Variants in PDE3A observed in about 807,000 individuals in gnomAD.
PDE3A encodes cGMP-inhibited 3',5'-cyclic phosphodiesterase 3A.
Under a neutral mutation model 98.3 loss-of-function variants are expected in PDE3A, and 43 were observed. The observed-to-expected ratio is 0.44, with a 90% CI of 0.34 to 0.56. The LOEUF (loss-of-function observed/expected upper bound fraction) is 0.56, where lower values mean the gene tolerates loss of function less well. PDE3A is among the 20% of genes least tolerant of loss of function. PDE3A has a pLI of 0.01. For missense variants in PDE3A, 1,427 were observed against 1,440.7 expected, an observed-to-expected ratio of 0.99 and a Z score of 0.15; for synonymous variants, 663 against 567.9, an observed-to-expected ratio of 1.17 and a Z score of -2.38.
intron 1 of PDE3A, among the ~76,000 whole-genome samples, chr12:20,497,755 G>A (rs1945946263): frequency 1.3e-5 from 2 of 151,930 alleles, no homozygotes; most frequent in African/African-American, 4.8e-5. Flanking sequence ...ACAAACATTG[G>A]GTATTTCCAA....
At chr12:20,654,457 TAAG>T (rs1474945035) in intron 15 of PDE3A, among the ~76,000 whole-genome samples, 1 of 151,580 alleles carries the variant, frequency 6.6e-6, no homozygotes, top group Admixed American at 6.6e-5. Context: ...AAAATAATAA[TAAG>T]GAGTTGAAGC....
chr12:20,401,687 C>A (rs1397082001), intron 1 of PDE3A, among the ~76,000 whole-genome samples: 3 of 152,148 alleles, frequency 2.0e-5, no homozygotes, highest in Non-Finnish European at 4.4e-5. Flanking sequence ...GAAGCTCTTT[C>A]TCCTTCCTCT....
intron 2 of PDE3A, among the ~76,000 whole-genome samples, chr12:20,593,048 C>A (rs1943376766): frequency 1.3e-5 from 2 of 152,112 alleles, no homozygotes; most frequent in African/African-American, 4.8e-5. Flanking sequence ...ATTAGCAATA[C>A]AACAATATCA....
At chr12:20,433,185 G>A (rs1361832330) in intron 1 of PDE3A, among the ~76,000 whole-genome samples, 3 of 152,060 alleles carry the variant, frequency 2.0e-5, no homozygotes, top group Admixed American at 2.0e-4. Flanking sequence ...AAGGGCAGTG[G>A]GATCACTGTA....
chr12:20,648,796 G>A lies in PDE3A; in HGVS notation c.2674G>A (p.Val892Met). The change falls in exon 13 of 16, where the codon GTG becomes ATG. Residue 892 changes from valine to methionine, a missense_variant. Physicochemically the swap from Val to Met is conservative, Grantham distance 21. Transcript: ENST00000359062. Reference protein sequence around the residue: ...EYNFLINLDHVEFKHFRFLVI... With the variant: ...EYNFLINLDHMEFKHFRFLVI... ...TAACTTCTTAATTAACCTTGACCATGTGGAATTTAAGCATTTCCGTTTCCT... is the reference window on the plus strand; with the variant it reads ...TAACTTCTTAATTAACCTTGACCATATGGAATTTAAGCATTTCCGTTTCCT... The A allele has an allele frequency of 2.5e-6, 4 of 1,613,378 alleles. No individual in the cohort carries two copies. The South Asian group carries it at 3.3e-5, about 13-fold the overall frequency.
At chr12:20,562,096 A>C (rs866817447) in intron 2 of PDE3A, among the ~76,000 whole-genome samples, 1 of 152,216 alleles carries the variant, frequency 6.6e-6, no homozygotes, top group Non-Finnish European at 1.5e-5. Flanking sequence ...CAGTAATACC[A>C]AATGAAGTCA....
intron 10 of PDE3A, among the ~76,000 whole-genome samples, chr12:20,642,656 T>C (rs1288996604): frequency 6.6e-6 from 1 of 152,184 alleles, no homozygotes; most frequent in Non-Finnish European, 1.5e-5. Flanking sequence ...GCCTCAGAAG[T>C]ACCTGTGATC....
intron 1 of PDE3A, among the ~76,000 whole-genome samples, chr12:20,423,566 C>G (rs1273451348): frequency 1.3e-5 from 2 of 152,196 alleles, no homozygotes; most frequent in African/African-American, 4.8e-5. Context: ...CAAAAACAGA[C>G]TTTCAGAATC....
chr12:20,452,551 TA>T (rs1370764617), intron 1 of PDE3A, among the ~76,000 whole-genome samples: 1 of 152,248 alleles, frequency 6.6e-6, no homozygotes, highest in African/African-American at 2.4e-5. Flanking sequence ...AAATGCTAGT[TA>T]CGCAGTTAAT....
chr12:20,630,087 C>A lies in PDE3A; in HGVS notation c.1720C>A (p.Leu574Ile), dbSNP rs201987157. ...AACTTACACTCAGAGTGCCCCAGACCTATCCCCTCAAATCCTGACTCCACC... is the reference window on the plus strand; with the variant it reads ...AACTTACACTCAGAGTGCCCCAGACATATCCCCTCAAATCCTGACTCCACC... ...ALTYTQSAPD[L>I]SPQILTPPVI... Residue 574 changes from leucine (L) to isoleucine (I), a missense_variant, in exon 6 of 16, where the codon CTA becomes ATA. Leu to Ile is a conservative substitution (Grantham distance 5, BLOSUM62 2). Around this residue, in one of 3 missense-constraint regions of PDE3A, gnomAD observed 1,012 missense variants for 886.5 expected, o/e 1.14. Coordinates refer to ENST00000359062, the MANE Select transcript of PDE3A (RefSeq NM_000921.5). 6.2e-7 allele frequency: 1 copy of A among 1,613,674 alleles called. No individual in the cohort carries two copies. The highest frequency in any genetic ancestry group is 8.5e-7 in the Non-Finnish European group (1 of 1,179,666).
In PDE3A at chr12:20,648,937, T is replaced by C. The variant is rs549465034; in HGVS notation, c.2769+46T>C. On this transcript the variant is annotated intron_variant, in intron 13 of 15. Transcript: ENST00000359062. ...TTTTCTTTTCTTTTTCTTTTTTTTTTTTTTTTGAGACAGAGTCTTGCTCTG... is the reference window on the plus strand; with the variant it reads ...TTTTCTTTTCTTTTTCTTTTTTTTTCTTTTTTGAGACAGAGTCTTGCTCTG... 1.4e-5 allele frequency: 18 copies of C among 1,283,812 alleles called. 1 individual carries two copies. The highest frequency in any genetic ancestry group is 1.4e-4 in the South Asian group (10 of 73,964). The allele number at this position is 1,283,812 out of a possible 1,614,324, so 79.5% of individuals were successfully genotyped here.
At chr12:20,498,279 C>G (rs12319897) in intron 1 of PDE3A, among the ~76,000 whole-genome samples, 11 of 152,136 alleles carry the variant, frequency 7.2e-5, no homozygotes, top group South Asian at 2.1e-4. Flanking sequence ...CGCCCACCCC[C>G]CCAACTGAAG....
chr12:20,517,146 A>T lies in PDE3A; in HGVS notation c.961-39514A>T, dbSNP rs987223895. On this transcript the variant is annotated intron_variant, in intron 1 of 15. Transcript: ENST00000359062. ...TCCAATGCGGTTCTAGAAAATGATA[A>T]GTAATTTTGAAAGTTGGTTTATTTC... 3.3e-5 allele frequency among the ~76,000 whole-genome samples: 5 copies of T among 152,346 alleles called. 1 individual carries two copies. In the East Asian group the frequency reaches 7.7e-4, roughly 24 times the overall value.
intron 2 of PDE3A, among the ~76,000 whole-genome samples, chr12:20,608,371 T>C (rs1284404806): frequency 9.7e-6 from 1 of 102,806 alleles, no homozygotes; most frequent in Non-Finnish European, 2.2e-5. Flanking sequence ...GACTTAATGA[T>C]ACTAAGGATA....
In PDE3A at chr12:20,548,044, T is replaced by G. The variant is rs536824757; in HGVS notation, c.961-8616T>G. Among the ~76,000 whole-genome samples the G allele has an allele frequency of 7.9e-5, 12 of 152,228 alleles. No individual in the cohort carries two copies. The East Asian group carries it at 2.3e-3, about 29-fold the overall frequency. ...AGCTGAAGGCTGTGATGTAGAAATT[T>G]ATTATTAAAAATAAAAGACGGAGAG... On this transcript the variant is annotated intron_variant, in intron 1 of 15. Coordinates refer to ENST00000359062, the MANE Select transcript of PDE3A (RefSeq NM_000921.5).
Position 20,637,121 on chromosome 12 carries a change from G to A in PDE3A, c.2023G>A (p.Glu675Lys), listed in dbSNP as rs553709588. Reference sequence around the variant, plus strand: ...ACAGGACAAACCAATTCTTGCTCCCGAACCTCTTGTCATGGATAACCTGGA... The same window carrying A: ...ACAGGACAAACCAATTCTTGCTCCCAAACCTCTTGTCATGGATAACCTGGA... ...MFLDKPILAP[E>K]PLVMDNLDSI... is the part of the protein sequence containing the mutation. Residue 675 changes from glutamate (E) to lysine (K), a missense_variant, in exon 9 of 16, where the codon GAA (glutamate) becomes AAA (lysine). This residue lies in a region of PDE3A where 1,012 missense variants were observed against 886.5 expected (regional missense o/e 1.14). Transcript: ENST00000359062. 6.2e-6 allele frequency: 10 copies of A among 1,607,654 alleles called. No individual in the cohort carries two copies. Among genetic ancestry groups the A allele is most frequent in the Middle Eastern group, 1.7e-4 (1 of 6,042 alleles).
chr12:20,461,236 G>GAAAAA lies in PDE3A; in HGVS notation c.960+91008_960+91012dup, dbSNP rs67508401. 2.0e-3 allele frequency among the ~76,000 whole-genome samples: 193 copies of GAAAAA among 98,222 alleles called. 8 individuals carry two copies. Among genetic ancestry groups the GAAAAA allele is most frequent in the African/African-American group, 6.2e-3 (147 of 23,844 alleles). The allele number at this position is 98,222 out of a possible 152,430, so 64.4% of individuals were successfully genotyped here. On this transcript the variant is annotated intron_variant, in intron 1 of 15. Transcript: ENST00000359062. ...GGCCTCAGGCTAGGAGTGTTTGTCAGAAAAAAAAAAAAAAAAAAAAGAGGA... is the reference window on the plus strand; with the variant it reads ...GGCCTCAGGCTAGGAGTGTTTGTCAGAAAAAAAAAAAAAAAAAAAAAAAAAGAGGA...
intron 1 of PDE3A, among the ~76,000 whole-genome samples, chr12:20,474,838 C>T (rs1442589382): frequency 6.6e-6 from 1 of 152,160 alleles, no homozygotes; most frequent in African/African-American, 2.4e-5. Flanking sequence ...ATCTCAAAAT[C>T]CTTAATTTAG....
chr12:20,382,178 T>C (rs1943675426), intron 1 of PDE3A, among the ~76,000 whole-genome samples: 2 of 151,924 alleles, frequency 1.3e-5, no homozygotes, highest in Admixed American at 6.6e-5. Flanking sequence ...CCAGATACTC[T>C]GATTTAGTTA....
Sources: allele counts gnomAD v4.1 joint callset (sites outside exome capture counted in the v4.1 genomes callset), GRCh38; gene constraint gnomAD v4.1.1; regional missense constraint gnomAD v4.1.1; transcripts MANE v1.5; gene names NCBI Gene and HGNC (gene_info 2026-07-23, HGNC 2026-07-21).